Variants in TLK2 observed in about 807,000 individuals in gnomAD.
The protein encoded by TLK2 is serine/threonine-protein kinase tousled-like 2.
Under a neutral mutation model 117.3 loss-of-function variants are expected in TLK2, and 6 were observed. The ratio of observed to expected loss-of-function variants is 0.05; its 90% CI spans 0.03 to 0.10. The LOEUF (loss-of-function observed/expected upper bound fraction) is 0.10. Ranked by LOEUF, TLK2 falls within the 10% of genes least tolerant of loss-of-function variation. The probability of loss-of-function intolerance (pLI) is 1.00; values close to 1 mark genes in which losing one functional copy is unlikely to be tolerated. For missense variants in TLK2, 299 were observed against 901.2 expected, an observed-to-expected ratio of 0.33 and a Z score of 8.56; for synonymous variants, 257 against 316.7, an observed-to-expected ratio of 0.81 and a Z score of 2.00.
chr17:62,608,587 T>A (rs781394197), intron 21 of TLK2, among the ~76,000 whole-genome samples: 2 of 152,218 alleles, frequency 1.3e-5, no homozygotes, highest in Non-Finnish European at 2.9e-5. Context: ...AATAAAGATA[T>A]ACCCAAGACT....
chr17:62,603,931 G>A (rs2083059211), intron 19 of TLK2, among the ~76,000 whole-genome samples: 1 of 151,874 alleles, frequency 6.6e-6, no homozygotes, highest in Admixed American at 6.6e-5. Context: ...GTAACTATTT[G>A]CAGTATTTAC....
At chr17:62,590,286 T>G (rs899532131) in intron 16 of TLK2, among the ~76,000 whole-genome samples, 1 of 151,260 alleles carries the variant, frequency 6.6e-6, no homozygotes, top group Non-Finnish European at 1.5e-5. Context: ...ACAAAAAAAG[T>G]TAGCCAGGCA....
intron 1 of TLK2, among the ~76,000 whole-genome samples, chr17:62,472,900 G>C (rs1354663598): frequency 6.6e-6 from 1 of 152,150 alleles, no homozygotes; most frequent in African/African-American, 2.4e-5. Context: ...CAGGTCACTT[G>C]AAATGCCCTG....
intron 2 of TLK2, among the ~76,000 whole-genome samples, chr17:62,493,417 T>C (rs2073318301): frequency 1.3e-5 from 2 of 152,234 alleles, no homozygotes; most frequent in South Asian, 4.1e-4. Context: ...TTGGCTATTG[T>C]GAATAGTGCT....
chr17:62,574,294 T>C (rs2080568880), intron 12 of TLK2: 1 of 1,533,304 alleles, frequency 6.5e-7, no homozygotes, highest in Non-Finnish European at 8.7e-7. Context: ...GGGAAGTCTC[T>C]TCCTTGATGT....
intron 1 of TLK2, among the ~76,000 whole-genome samples, chr17:62,480,423 A>G (rs773735756): frequency 7.2e-5 from 11 of 152,216 alleles, no homozygotes; most frequent in Non-Finnish European, 8.8e-5. Flanking sequence ...AAGAAGGGCT[A>G]AAAGCAGATG....
chr17:62,522,891 C>T (rs1465287160), intron 4 of TLK2, among the ~76,000 whole-genome samples: 1 of 152,214 alleles, frequency 6.6e-6, no homozygotes, highest in Middle Eastern at 3.4e-3. Context: ...CCCAAAGTGA[C>T]AAGAAAAATT....
At chr17:62,513,115 G>A (rs1407986383) in intron 2 of TLK2, among the ~76,000 whole-genome samples, 9 of 151,250 alleles carry the variant, frequency 6.0e-5, no homozygotes, top group Non-Finnish European at 1.5e-5. Context: ...CCAGACCTCA[G>A]GTGATCCACC....
intron 2 of TLK2, among the ~76,000 whole-genome samples, chr17:62,511,527 C>T (rs534093865): frequency 2.0e-4 from 30 of 152,174 alleles, no homozygotes; most frequent in African/African-American, 6.3e-4. Flanking sequence ...CACACCACCA[C>T]GCTAGCTAAT....
intron 21 of TLK2, among the ~76,000 whole-genome samples, chr17:62,609,513 A>G (rs1371133151): frequency 6.6e-6 from 1 of 152,166 alleles, no homozygotes; most frequent in Admixed American, 6.6e-5. Flanking sequence ...GTAAGAATTA[A>G]CATCTTTAGC....
chr17:62,533,513 G>A (rs945552966), intron 6 of TLK2, among the ~76,000 whole-genome samples: 5 of 148,516 alleles, frequency 3.4e-5, no homozygotes, highest in African/African-American at 9.9e-5. Context: ...GTCTTGCTGT[G>A]TAGCCCAGGC....
At chr17:62,528,078 G>A (rs1376667648) in intron 6 of TLK2, among the ~76,000 whole-genome samples, 1 of 152,052 alleles carries the variant, frequency 6.6e-6, no homozygotes, top group Non-Finnish European at 1.5e-5. Context: ...ATTTTGCTTT[G>A]CTTTGTTTAC....
intron 2 of TLK2, among the ~76,000 whole-genome samples, chr17:62,520,191 C>T (rs751191226): frequency 3.3e-5 from 5 of 152,128 alleles, no homozygotes; most frequent in Admixed American, 3.3e-4. Context: ...GTCCCATGAG[C>T]TGGGAGAGAG....
intron 4 of TLK2, 127 bp from the exon 5 acceptor site, chr17:62,523,007 G>C: frequency 1.9e-6 from 2 of 1,048,862 alleles, no homozygotes; most frequent in Non-Finnish European, 1.3e-6. Flanking sequence ...TGGCTCATTT[G>C]TTACAAGTAA....
intron 17 of TLK2, among the ~76,000 whole-genome samples, chr17:62,597,939 C>A (rs915497302): frequency 6.6e-6 from 1 of 152,176 alleles, no homozygotes; most frequent in Non-Finnish European, 1.5e-5. Context: ...CCCTCAGCCT[C>A]CCAGGGTAAT....
upstream of TLK2, chr17:62,477,379 G>C (rs551280785): frequency 1.3e-5 from 2 of 152,208 alleles, no homozygotes; most frequent in African/African-American, 4.8e-5. Flanking sequence ...CTGGGATCTG[G>C]AGTAAGATGA....
intron 2 of TLK2, among the ~76,000 whole-genome samples, chr17:62,496,094 A>G (rs2443101): frequency 2.0e-5 from 3 of 152,150 alleles, no homozygotes; most frequent in Non-Finnish European, 2.9e-5. Flanking sequence ...ACAACTGTTA[A>G]AAAGTTTCTT....
At chr17:62,529,141 T>A (rs1187585850) in intron 6 of TLK2, among the ~76,000 whole-genome samples, 1 of 152,246 alleles carries the variant, frequency 6.6e-6, no homozygotes, top group Non-Finnish European at 1.5e-5. Context: ...TCGCTGTGAT[T>A]GTGGAAGTTG....
chr17:62,612,367 G>A (rs756475061), intron 21 of TLK2, 25 bp from the exon 22 acceptor site: 1 of 1,607,072 alleles, frequency 6.2e-7, no homozygotes, highest in Non-Finnish European at 8.5e-7. Context: ...ATCTGCCTCT[G>A]TCTTCAAGAA....
Sources: gnomAD v4.1 joint callset for allele counts (sites outside exome capture counted in the v4.1 genomes callset) on GRCh38, gnomAD v4.1.1 for gene constraint, MANE v1.5 for transcripts, NCBI Gene and HGNC (gene_info 2026-07-23, HGNC 2026-07-21) for gene names.